ACKR2: variants seen among roughly 807,000 people sequenced by gnomAD.
ACKR2 encodes C-C chemokine receptor D6.
For missense variants in ACKR2, 457 were observed against 477.3 expected, an observed-to-expected ratio of 0.96 and a Z score of 0.40; for synonymous variants, 207 against 192.2, an observed-to-expected ratio of 1.08 and a Z score of -0.64.
chr3:42,865,919 T>TCTCCCTCC lies in ACKR2; in HGVS notation c.*274_*281dup, dbSNP rs56176584. On this transcript the variant is annotated 3_prime_UTR_variant, in exon 3 of 3. Transcript: ENST00000422265. ...GCTTCCTTCCTTCCTTCCTTCCCTC[T>TCTCCCTCC]CTCCCTCCCTCCCTCCCTCGCTTCT... The TCTCCCTCC allele has an allele frequency of 1.0e-4, 36 of 351,066 alleles. No homozygotes were observed. Among genetic ancestry groups the TCTCCCTCC allele is most frequent in the South Asian group, 3.0e-4 (7 of 23,400 alleles). The allele number at this position is 351,066 out of a possible 1,614,324, so 21.7% of individuals were successfully genotyped here.
chr3:42,845,848 C>CAA (rs35395771), intron 2 of ACKR2, among the ~76,000 whole-genome samples: 11 of 49,314 alleles, frequency 2.2e-4, no homozygotes, highest in East Asian at 6.6e-4. Context: ...GACTCCGTCT[C>CAA]AAAAAAAAAA....
intron 2 of ACKR2, among the ~76,000 whole-genome samples, chr3:42,836,254 AC>A (rs1248077716): frequency 1.3e-5 from 2 of 152,160 alleles, no homozygotes; most frequent in African/African-American, 4.8e-5. Context: ...ACTAAATAAA[AC>A]TTTGTAATAA....
chr3:42,815,319 A>G (rs957414600), intron 1 of ACKR2, among the ~76,000 whole-genome samples: 2 of 152,250 alleles, frequency 1.3e-5, no homozygotes, highest in Non-Finnish European at 2.9e-5. Context: ...AGTTACATGC[A>G]GTAGTGTTAT....
At chr3:42,847,312 C>T (rs756439613) in intron 2 of ACKR2, among the ~76,000 whole-genome samples, 26 of 152,176 alleles carry the variant, frequency 1.7e-4, no homozygotes, top group Non-Finnish European at 3.2e-4. Context: ...TCTGAGTGGC[C>T]AGCGGGGGCC....
chr3:42,829,872 A>G (rs1185961874), intron 2 of ACKR2, among the ~76,000 whole-genome samples: 1 of 152,218 alleles, frequency 6.6e-6, no homozygotes, highest in South Asian at 2.1e-4. Context: ...GTACATGCGT[A>G]GAGGCAAGAA....
At chr3:42,839,661 C>A (rs1038260244) in intron 2 of ACKR2, among the ~76,000 whole-genome samples, 1 of 152,072 alleles carries the variant, frequency 6.6e-6, no homozygotes, top group Non-Finnish European at 1.5e-5. Flanking sequence ...TGGTAGGTTA[C>A]TGGAAAGGCG....
intron 2 of ACKR2, among the ~76,000 whole-genome samples, chr3:42,825,912 A>T (rs1575377935): frequency 8.4e-6 from 1 of 119,138 alleles, no homozygotes; most frequent in Non-Finnish European, 1.8e-5. Context: ...GATGTTCCCT[A>T]GTTTATTGAA....
intron 2 of ACKR2, among the ~76,000 whole-genome samples, chr3:42,863,906 G>GC (rs2088406966): frequency 6.6e-6 from 1 of 152,090 alleles, no homozygotes; most frequent in African/African-American, 2.4e-5. Context: ...AATACCTAAT[G>GC]TAAATGACAG....
chr3:42,865,756 A>G lies in ACKR2; in HGVS notation c.*99A>G. Reference sequence around the variant, plus strand: ...AGGGGCCTCAGTGACTGTGTTGCTAAACCCAGTGGTCAGTTCTCAGTTCTC... The same window carrying G: ...AGGGGCCTCAGTGACTGTGTTGCTAGACCCAGTGGTCAGTTCTCAGTTCTC... On this transcript the variant is annotated 3_prime_UTR_variant, in exon 3 of 3. Coordinates refer to ENST00000422265, the MANE Select transcript of ACKR2 (RefSeq NM_001296.5). 1 of 957,530 alleles carries G rather than the reference A, an allele frequency of 1.0e-6. No individual in the cohort carries two copies. The highest frequency in any genetic ancestry group is 1.6e-6 in the Non-Finnish European group (1 of 641,980). The allele number at this position is 957,530 out of a possible 1,614,324, so 59.3% of individuals were successfully genotyped here. A position where few individuals can be genotyped will look rare whatever the true frequency, so the allele number is the denominator to read the frequency against.
intron 2 of ACKR2, among the ~76,000 whole-genome samples, chr3:42,845,408 G>A (rs1701083238): frequency 6.6e-6 from 1 of 152,146 alleles, no homozygotes. Flanking sequence ...CTGTCACCTA[G>A]GTTGGTGCAG....
chr3:42,836,957 CTT>C (rs1700992262), intron 2 of ACKR2, among the ~76,000 whole-genome samples: 1 of 152,188 alleles, frequency 6.6e-6, no homozygotes, highest in African/African-American at 2.4e-5. Context: ...TTTCAAATGT[CTT>C]TTGCAGTGGT....
chr3:42,825,048 TC>T (rs1700848738), intron 2 of ACKR2, among the ~76,000 whole-genome samples: 1 of 152,190 alleles, frequency 6.6e-6, no homozygotes, highest in Non-Finnish European at 1.5e-5. Context: ...TTATGGACTC[TC>T]AGTTCTATTC....
intron 2 of ACKR2, among the ~76,000 whole-genome samples, chr3:42,850,549 T>C (rs577125211): frequency 1.8e-4 from 27 of 152,146 alleles, no homozygotes; most frequent in Non-Finnish European, 3.5e-4. Flanking sequence ...CACCAAGCAC[T>C]TGCTGTGTGT....
At chr3:42,844,448 T>C (rs962325277) in intron 2 of ACKR2, among the ~76,000 whole-genome samples, 2 of 152,158 alleles carry the variant, frequency 1.3e-5, no homozygotes, top group Non-Finnish European at 1.5e-5. Context: ...TTGAGGGTTC[T>C]TGGTGGGGGG....
intron 2 of ACKR2, among the ~76,000 whole-genome samples, chr3:42,833,553 C>T (rs903780058): frequency 6.6e-6 from 1 of 152,100 alleles, no homozygotes; most frequent in African/African-American, 2.4e-5. Context: ...TGAAATCTGA[C>T]ATGTGCTTTA....
chr3:42,848,088 AAAAGAGG>A (rs1701116193), intron 2 of ACKR2, among the ~76,000 whole-genome samples: 1 of 152,072 alleles, frequency 6.6e-6, no homozygotes, highest in Non-Finnish European at 1.5e-5. Context: ...GAAATATTTT[AAAAGAGG>A]ATGAGACAAT....
intron 2 of ACKR2, among the ~76,000 whole-genome samples, chr3:42,833,784 C>A (rs1700956753): frequency 6.6e-6 from 1 of 151,624 alleles, no homozygotes; most frequent in Admixed American, 6.6e-5. Context: ...AGGCCATTTT[C>A]TTTTATTGGA....
chr3:42,858,296 C>T (rs923292735), intron 2 of ACKR2, among the ~76,000 whole-genome samples: 7 of 152,166 alleles, frequency 4.6e-5, no homozygotes, highest in Admixed American at 2.0e-4. Context: ...TCTGGCGGTG[C>T]CCCTCTGGGA....
At chr3:42,862,158 C>T (rs1417089921) in intron 2 of ACKR2, among the ~76,000 whole-genome samples, 1 of 152,220 alleles carries the variant, frequency 6.6e-6, no homozygotes, top group Non-Finnish European at 1.5e-5. Context: ...TAAGCAACTT[C>T]AGCAAAGTCT....
Sources: allele counts gnomAD v4.1 joint callset (sites outside exome capture counted in the v4.1 genomes callset), GRCh38; gene constraint gnomAD v4.1.1; transcripts MANE v1.5; gene names NCBI Gene and HGNC (gene_info 2026-07-23, HGNC 2026-07-21).